The following KIF26B variants were observed in gnomAD, a reference collection of about 807,000 sequenced individuals.
The protein encoded by KIF26B is kinesin-like protein KIF26B.
A neutral mutation model predicts 151.2 loss-of-function variants in KIF26B; 63 were observed. The ratio of observed to expected loss-of-function variants is 0.42; its 90% CI spans 0.34 to 0.51. The LOEUF (loss-of-function observed/expected upper bound fraction) is 0.51. Ranked by LOEUF, KIF26B falls within the 20% of genes least tolerant of loss-of-function variation. The pLI, the probability that KIF26B is intolerant of heterozygous loss-of-function variation, is 0.07. For synonymous variants in KIF26B, 1,357 were observed against 1,262.1 expected (o/e 1.08, Z -1.59); for missense variants, 2,813 against 2,913.6 (o/e 0.97, Z 0.79).
chr1:245,590,176 C>G (rs747163225), intron 5 of KIF26B, among the ~76,000 whole-genome samples: 4 of 150,456 alleles, frequency 2.7e-5, no homozygotes, highest in African/African-American at 9.8e-5. Flanking sequence ...AAGGGGAGGC[C>G]GAGGCGCCGG....
intron 4 of KIF26B, among the ~76,000 whole-genome samples, chr1:245,478,430 A>ATTTTTTTTTTTTTTTTTTTTTTTTTT (rs3068344): frequency 7.8e-6 from 1 of 128,626 alleles, no homozygotes. Context: ...TCTGACTCGC[A>ATTTTTTTTTTTTTTTTTTTTTTTTTT]TTTTTTTTTT....
At chr1:245,526,974 C>T (rs2103094209) in intron 4 of KIF26B, among the ~76,000 whole-genome samples, 1 of 152,342 alleles carries the variant, frequency 6.6e-6, no homozygotes, top group Admixed American at 6.5e-5. Flanking sequence ...AATTTTCTAT[C>T]AAACGGTGAA....
chr1:245,242,896 C>T lies in KIF26B; in HGVS notation c.465+86213C>T, dbSNP rs988811510. 4.7e-5 allele frequency among the ~76,000 whole-genome samples: 7 copies of T among 150,278 alleles called. No homozygotes were observed. In the South Asian group the frequency reaches 1.0e-3, roughly 22 times the overall value. On this transcript the variant is annotated intron_variant, in intron 2 of 14. Coordinates refer to ENST00000407071, the MANE Select transcript of KIF26B (RefSeq NM_018012.4). ...CGAACTCCTGACATCATGATCTGCCCGCCTTGGCCTCCCAAAGTGCTGGGA... is the reference window on the plus strand; with the variant it reads ...CGAACTCCTGACATCATGATCTGCCTGCCTTGGCCTCCCAAAGTGCTGGGA...
At chr1:245,678,676 A>G (rs1486560145) in intron 10 of KIF26B, among the ~76,000 whole-genome samples, 1 of 152,058 alleles carries the variant, frequency 6.6e-6, no homozygotes, top group Non-Finnish European at 1.5e-5. Context: ...ATCGTGGCCA[A>G]CATGGTGAAA....
chr1:245,607,493 T>TC (rs1319607331), intron 6 of KIF26B, among the ~76,000 whole-genome samples, 158 bp from the exon 7 acceptor site: 1 of 152,216 alleles, frequency 6.6e-6, no homozygotes, highest in Non-Finnish European at 1.5e-5. Flanking sequence ...CGCCAGGGGT[T>TC]CTGAGCATCT....
At chr1:245,345,931 CTTTCTTTTTT>C (rs1672445423) in intron 2 of KIF26B, among the ~76,000 whole-genome samples, 1 of 139,360 alleles carries the variant, frequency 7.2e-6, no homozygotes, top group Non-Finnish European at 1.5e-5. Flanking sequence ...TTCTTTCTTT[CTTTCTTTTTT>C]TTTTTTTTTG....
intron 2 of KIF26B, among the ~76,000 whole-genome samples, chr1:245,175,952 ATC>A (rs1668798004): frequency 6.8e-6 from 1 of 147,602 alleles, no homozygotes; most frequent in Non-Finnish European, 1.5e-5. Context: ...ATATATAGAT[ATC>A]TATATCTATA....
chr1:245,564,903 A>C lies in KIF26B; in HGVS notation c.1350+23953A>C, dbSNP rs1224991036. ...CCATGAGAATCTAATGCTGCTGCTG[A>C]TCTGACGGGAGGCAGAGTTCAAGTG... On this transcript the variant is annotated intron_variant, in intron 5 of 14. Transcript: ENST00000407071. This position sits in a 1 kb window ranked among gnomAD's most constrained non-coding sequence, Gnocchi z 4.6. Among the ~76,000 whole-genome samples the C allele has an allele frequency of 1.3e-5, 2 of 152,164 alleles. No homozygotes were observed. The highest frequency in any genetic ancestry group is 4.8e-5 in the African/African-American group (2 of 41,444).
At chr1:245,505,101 G>T (rs1660706038) in intron 4 of KIF26B, among the ~76,000 whole-genome samples, 1 of 151,862 alleles carries the variant, frequency 6.6e-6, no homozygotes, top group African/African-American at 2.4e-5. Flanking sequence ...ACCATGCCTG[G>T]CTAATTTTTG....
intron 2 of KIF26B, among the ~76,000 whole-genome samples, chr1:245,291,085 G>T (rs1276086404): frequency 6.6e-6 from 1 of 152,148 alleles, no homozygotes; most frequent in African/African-American, 2.4e-5. Flanking sequence ...AACTGGGCAG[G>T]GCTGTAAGAA....
intron 2 of KIF26B, among the ~76,000 whole-genome samples, chr1:245,177,106 C>T (rs1445135237): frequency 6.6e-6 from 1 of 152,176 alleles, no homozygotes; most frequent in East Asian, 1.9e-4. Flanking sequence ...AGGTGTGTGC[C>T]ATCATGCCTA....
chr1:245,313,161 A>AAGAC (rs370113850), intron 2 of KIF26B, among the ~76,000 whole-genome samples: 2 of 151,856 alleles, frequency 1.3e-5, no homozygotes, highest in African/African-American at 4.8e-5. Flanking sequence ...TCCATCTCAA[A>AAGAC]AAACAAACAA....
At chr1:245,207,717 C>T (rs1012541310) in intron 2 of KIF26B, among the ~76,000 whole-genome samples, 4 of 152,126 alleles carry the variant, frequency 2.6e-5, no homozygotes, top group Admixed American at 6.5e-5. Flanking sequence ...TTCCCTCCTC[C>T]GTGCTAAGTT....
intron 2 of KIF26B, among the ~76,000 whole-genome samples, chr1:245,311,249 C>T (rs1430748808): frequency 6.6e-6 from 1 of 152,160 alleles, no homozygotes; most frequent in Non-Finnish European, 1.5e-5. Context: ...ACCCATGGAG[C>T]AGTGGCCACT....
At chr1:245,413,093 C>T (rs548381490) in intron 3 of KIF26B, among the ~76,000 whole-genome samples, 60 of 152,298 alleles carry the variant, frequency 3.9e-4, no homozygotes, top group South Asian at 1.0e-3. Flanking sequence ...CAGAACTAAA[C>T]CAAATAAAAT....
At chr1:245,569,165 C>A (rs1488104023) in intron 5 of KIF26B, among the ~76,000 whole-genome samples, 1 of 152,106 alleles carries the variant, frequency 6.6e-6, no homozygotes, top group East Asian at 1.9e-4. Flanking sequence ...GAATTTGAAG[C>A]CAGAGAAGTA....
intron 3 of KIF26B, among the ~76,000 whole-genome samples, chr1:245,386,651 A>G (rs892278159): frequency 2.0e-5 from 3 of 152,220 alleles, no homozygotes; most frequent in East Asian, 1.9e-4. Flanking sequence ...TAAGATTGCC[A>G]TTAGCATCAT....
chr1:245,521,209 C>T (rs1029313758), intron 4 of KIF26B, among the ~76,000 whole-genome samples: 3 of 152,132 alleles, frequency 2.0e-5, no homozygotes, highest in Non-Finnish European at 2.9e-5. Context: ...TGGTGGCGAG[C>T]ACCTGTAGTC....
In KIF26B at chr1:245,177,666, GT is replaced by G. The variant is rs1315677553; in HGVS notation, c.465+20984del. 4.7e-4 allele frequency among the ~76,000 whole-genome samples: 20 copies of G among 42,622 alleles called. No homozygotes were observed. The South Asian group carries it at 0.01, about 22-fold the overall frequency. The allele number at this position is 42,622 out of a possible 152,430, so 28.0% of individuals were successfully genotyped here. ...GTTTTGATTTTACTTGTCCTTAGGG[GT>G]GTGTGTGTGTGTGTGTGTGTGTGTG... On this transcript the variant is annotated intron_variant, in intron 2 of 14. Transcript: ENST00000407071.
Sources: gnomAD v4.1 joint callset for allele counts (sites outside exome capture counted in the v4.1 genomes callset) on GRCh38, gnomAD v4.1.1 for gene constraint, Gnocchi (gnomAD v3.1) non-coding constraint, MANE v1.5 for transcripts, NCBI Gene and HGNC (gene_info 2026-07-23, HGNC 2026-07-21) for gene names.